Variants in SNX6 observed in about 807,000 individuals in gnomAD.
The protein encoded by SNX6 is sorting nexin-6.
A neutral mutation model predicts 63.0 loss-of-function variants in SNX6; 34 were observed. The ratio of observed to expected loss-of-function variants is 0.54; its 90% CI spans 0.41 to 0.72. The LOEUF (loss-of-function observed/expected upper bound fraction) is 0.72, where lower values mean the gene tolerates loss of function less well. Ranked by LOEUF, SNX6 falls within the 30% of genes least tolerant of loss-of-function variation. The pLI, the probability that SNX6 is intolerant of heterozygous loss-of-function variation, is 0.00. For missense variants in SNX6, 398 were observed against 471.4 expected, an observed-to-expected ratio of 0.84 and a Z score of 1.44; for synonymous variants, 170 against 164.2, an observed-to-expected ratio of 1.04 and a Z score of -0.27.
intron 8 of SNX6, among the ~76,000 whole-genome samples, chr14:34,589,454 A>G (rs768099075): frequency 1.2e-4 from 18 of 152,152 alleles, no homozygotes; most frequent in Admixed American, 3.3e-4. Context: ...CTGTCTCACA[A>G]AAACAAAAAC....
chr14:34,617,702 A>G lies in SNX6; in HGVS notation c.55-7960T>C, dbSNP rs181615947. ...TTTGGGAGGCTGAGGCAGGCGGATC[A>G]CGAGGTCAGGGGATCAAGACCATCC... On this transcript the variant is annotated intron_variant, in intron 2 of 13. Transcript: ENST00000362031. 1.3e-3 allele frequency among the ~76,000 whole-genome samples: 194 copies of G among 151,704 alleles called. 1 individual carries two copies. The highest frequency in any genetic ancestry group is 4.2e-3 in the African/African-American group (175 of 41,374).
chr14:34,624,728 A>G (rs1883759820), intron 2 of SNX6, among the ~76,000 whole-genome samples: 1 of 151,872 alleles, frequency 6.6e-6, no homozygotes, highest in South Asian at 2.1e-4. Context: ...CTTGGGAGCC[A>G]GAGGTTGCAG....
At position 34,586,373 on chromosome 14, in the gene SNX6, C is replaced by T. The variant is rs946282717; in HGVS notation, c.719-68G>A. ...TTTAAAAATACTTACTGAGCAATTA[C>T]CTCTCAAACAATGTGTAATATGAGA... On this transcript the variant is annotated intron_variant, in intron 8 of 13. Transcript: ENST00000362031. The T allele has an allele frequency of 1.3e-5, 13 of 998,132 alleles. No homozygotes were observed. The Admixed American group carries it at 2.1e-4, about 16-fold the overall frequency. The allele number at this position is 998,132 out of a possible 1,614,324, so 61.8% of individuals were successfully genotyped here. A position where few individuals can be genotyped will look rare whatever the true frequency, so the allele number is the denominator to read the frequency against.
At position 34,612,442 on chromosome 14, in the gene SNX6, TC is replaced by T. The variant is rs1415862869; in HGVS notation, c.55-2701del. ...GTGGGCCTTAAAGGCAATCACATCA[TC>T]TTTTTTTGAGATGGAGTCTCACTTT... On this transcript the variant is annotated intron_variant, in intron 2 of 13. Transcript: ENST00000362031. 9.2e-5 allele frequency among the ~76,000 whole-genome samples: 14 copies of T among 151,452 alleles called. No individual in the cohort carries two copies. The Admixed American group carries it at 9.3e-4, about 10-fold the overall frequency.
At chr14:34,604,066 A>C in intron 5 of SNX6, 2 of 1,122,426 alleles carry the variant, frequency 1.8e-6, no homozygotes, top group Non-Finnish European at 1.1e-6. Context: ...AAAAAAAAAA[A>C]AAAACATTCA....
intron 2 of SNX6, among the ~76,000 whole-genome samples, chr14:34,610,338 G>C (rs1361773851): frequency 1.9e-5 from 2 of 105,306 alleles, no homozygotes; most frequent in African/African-American, 7.9e-5. Flanking sequence ...CTGGATGACA[G>C]AGCAAAACCG....
chr14:34,605,789 G>A (rs1244234614), intron 4 of SNX6, 72 bp from the exon 5 acceptor site: 3 of 1,530,518 alleles, frequency 2.0e-6, no homozygotes, highest in South Asian at 2.6e-5. Flanking sequence ...TGCCACCATA[G>A]AAGACTGTGT....
chr14:34,563,238 G>A (rs1239073072), intron 13 of SNX6, 63 bp from the exon 14 acceptor site: 1 of 1,459,242 alleles, frequency 6.9e-7, no homozygotes, highest in Non-Finnish European at 9.6e-7. Flanking sequence ...GACTCCTACT[G>A]AAAATACAGT....
chr14:34,578,322 C>T (rs767835685), intron 10 of SNX6, among the ~76,000 whole-genome samples: 3 of 152,044 alleles, frequency 2.0e-5, no homozygotes, highest in East Asian at 1.9e-4. Flanking sequence ...CTGAAATTAC[C>T]GCCAAAATAA....
chr14:34,627,964 T>C (rs1373562856), intron 2 of SNX6, among the ~76,000 whole-genome samples: 5 of 152,200 alleles, frequency 3.3e-5, no homozygotes, highest in Admixed American at 2.0e-4. Context: ...TATATGATGC[T>C]TTTGCTCTAA....
chr14:34,578,601 G>C (rs1387947155), intron 10 of SNX6, among the ~76,000 whole-genome samples: 1 of 142,908 alleles, frequency 7.0e-6, no homozygotes, highest in East Asian at 2.1e-4. Flanking sequence ...CTGCATTCCA[G>C]CCTGGGTGAC....
chr14:34,569,890 C>G (rs1361732807), intron 11 of SNX6, among the ~76,000 whole-genome samples: 2 of 152,112 alleles, frequency 1.3e-5, no homozygotes, highest in African/African-American at 4.8e-5. Context: ...TTTCATTTCT[C>G]ACTATTAAGG....
chr14:34,610,960 T>C (rs1883204470), intron 2 of SNX6, among the ~76,000 whole-genome samples: 1 of 152,174 alleles, frequency 6.6e-6, no homozygotes, highest in African/African-American at 2.4e-5. Flanking sequence ...GTTTACTCAA[T>C]GATTTCAAAT....
Position 34,567,749 on chromosome 14 carries a change from T to C in SNX6, c.1104A>G (p.Arg368=). The change falls in exon 13 of 14, where the codon AGA becomes AGG. Residue 368 remains arginine (R), a synonymous_variant. Coordinates refer to ENST00000362031, the MANE Select transcript of SNX6 (RefSeq NM_152233.4). ...AKQELIDFKT[R]RVAAFRKNLV... is the part of the protein sequence containing the mutation. Reference sequence around the variant, plus strand: ...AATTTTTTCTGAATGCAGCAACTCTTCTTGTCTTAAAATCTATAAGTTCTG... The same window carrying C: ...AATTTTTTCTGAATGCAGCAACTCTCCTTGTCTTAAAATCTATAAGTTCTG... 1 of 1,613,826 alleles carries C rather than the reference T, an allele frequency of 6.2e-7. No individual in the cohort carries two copies. Among genetic ancestry groups the C allele is most frequent in the Non-Finnish European group, 8.5e-7 (1 of 1,179,770 alleles).
At chr14:34,600,288 C>T (rs565134374) in intron 6 of SNX6, among the ~76,000 whole-genome samples, 1 of 152,110 alleles carries the variant, frequency 6.6e-6, no homozygotes, top group African/African-American at 2.4e-5. Context: ...CCACGTCCAG[C>T]TTATGTTTGC....
Position 34,595,762 on chromosome 14 carries a change from T to TG in SNX6, c.612+1787_612+1788insC, listed in dbSNP as rs1432407062. On this transcript the variant is annotated intron_variant, in intron 7 of 13. Coordinates refer to ENST00000362031, the MANE Select transcript of SNX6 (RefSeq NM_152233.4). ...ATCAAATAGTACTCTACACACCGATTTTATTATGGATGTGTCTATAAAAAC... is the reference window on the plus strand; with the variant it reads ...ATCAAATAGTACTCTACACACCGATTGTTATTATGGATGTGTCTATAAAAAC... 2.6e-5 allele frequency among the ~76,000 whole-genome samples: 4 copies of TG among 151,896 alleles called. No homozygotes were observed. The East Asian group carries it at 7.7e-4, about 29-fold the overall frequency.
chr14:34,600,340 G>A (rs768329103), intron 6 of SNX6, among the ~76,000 whole-genome samples: 9 of 152,118 alleles, frequency 5.9e-5, no homozygotes, highest in Non-Finnish European at 1.3e-4. Context: ...TGCCCAGGCT[G>A]GTCTTGAACT....
In SNX6 at chr14:34,605,698, C is replaced by T. The variant is rs1035538573; in HGVS notation, c.290G>A (p.Arg97Lys). 6.2e-7 allele frequency: 1 copy of T among 1,606,980 alleles called. No homozygotes were observed. The change falls in exon 5 of 14, where the codon AGA becomes AAA. Residue 97 changes from arginine (R) to lysine (K), a missense_variant. Physicochemically the swap from Arg to Lys is conservative, Grantham distance 26. Transcript: ENST00000362031. Reference sequence around the variant, plus strand: ...TTCCCTTGAAGCATCAAAATCAGGTCTTGGTGGTGCTGGTGGAATCTGTAA... The same window carrying T: ...TTCCCTTGAAGCATCAAAATCAGGTTTTGGTGGTGCTGGTGGAATCTGTAA... ...AGYIIPPAPP[R>K]PDFDASREKL... is the part of the protein sequence containing the mutation.
In SNX6 at chr14:34,567,965, T is replaced by C. The variant is rs879875112; in HGVS notation, c.970A>G (p.Asn324Asp). Residue 324 changes from asparagine (N) to aspartate (D), a missense_variant, in exon 12 of 14, where the codon AAT (asparagine) becomes GAT (aspartate). Coordinates refer to ENST00000362031, the MANE Select transcript of SNX6 (RefSeq NM_152233.4). ...SRSLVDYENA[N>D]KALDKARAKN... ...GCTCTTGCTTTATCCAGTGCTTTAT[T>C]AGCATTTTCATAATCCACTAGTGAC... 69 of 1,612,314 alleles carry C rather than the reference T, an allele frequency of 4.3e-5. No individual in the cohort carries two copies. Among genetic ancestry groups the C allele is most frequent in the Non-Finnish European group, 5.5e-5 (65 of 1,179,964 alleles).
Sources: gnomAD v4.1 joint callset for allele counts (sites outside exome capture counted in the v4.1 genomes callset) on GRCh38, gnomAD v4.1.1 for gene constraint, MANE v1.5 for transcripts, NCBI Gene and HGNC (gene_info 2026-07-23, HGNC 2026-07-21) for gene names.